RPS6KC1: variants seen among roughly 807,000 people sequenced by gnomAD.
RPS6KC1 encodes inactive ribosomal protein S6 kinase delta-1.
In RPS6KC1, 54 loss-of-function variants were observed where a neutral mutation model predicts 103.8. The observed-to-expected ratio is 0.52, with a 90% CI of 0.42 to 0.65. The LOEUF (loss-of-function observed/expected upper bound fraction) is 0.65. Ranked by LOEUF, RPS6KC1 falls within the 30% of genes least tolerant of loss-of-function variation. The probability of loss-of-function intolerance (pLI) is 0.00; values close to 1 mark genes in which losing one functional copy is unlikely to be tolerated. For synonymous variants in RPS6KC1, 439 were observed against 438.7 expected (o/e 1.00, Z -0.01); for missense variants, 1,151 against 1,253.8 (o/e 0.92, Z 1.24).
chr1:213,481,032 C>T, the RPS6KC1 span, among the ~76,000 whole-genome samples: 2 of 152,102 alleles, frequency 1.3e-5, no homozygotes, highest in Non-Finnish European at 2.9e-5. Context: ...CTGAATTTTA[C>T]GTTTGTTTTC....
the RPS6KC1 span, among the ~76,000 whole-genome samples, chr1:213,641,560 G>A: frequency 3.9e-5 from 6 of 152,104 alleles, no homozygotes; most frequent in African/African-American, 1.4e-4. Context: ...TGGGACCTGG[G>A]TAAAGGTCTA....
At chr1:213,580,478 T>A in the RPS6KC1 span, among the ~76,000 whole-genome samples, 1 of 152,126 alleles carries the variant, frequency 6.6e-6, no homozygotes, top group African/African-American at 2.4e-5. Context: ...TAAACTTACA[T>A]GATAAAGCAG....
intron 6 of RPS6KC1, among the ~76,000 whole-genome samples, chr1:213,135,971 C>T (rs1188063874): frequency 1.3e-5 from 2 of 152,140 alleles, no homozygotes; most frequent in African/African-American, 2.4e-5. Context: ...GTAGCAAAAT[C>T]GTAACCAACT....
Position 213,154,868 on chromosome 1 carries a change from C to G in RPS6KC1, c.836-12990C>G, listed in dbSNP as rs12086986. 7.0e-3 allele frequency among the ~76,000 whole-genome samples: 1,061 copies of G among 151,464 alleles called. 13 individuals carry two copies. The highest frequency in any genetic ancestry group is 0.024 in the African/African-American group (1,005 of 41,504). On this transcript the variant is annotated intron_variant, in intron 6 of 14. Transcript: ENST00000366960. ...ACAATTGGTAATGTGCTGAGTCTCA[C>G]TTAAAGTCTGCAAGTCTCACAGGCT...
the RPS6KC1 span, among the ~76,000 whole-genome samples, chr1:213,547,528 T>C: frequency 6.6e-6 from 1 of 152,218 alleles, no homozygotes; most frequent in African/African-American, 2.4e-5. Flanking sequence ...ATGCACCTGA[T>C]GTAGTTTGGA....
chr1:213,057,836 T>C (rs946754665), intron 1 of RPS6KC1, among the ~76,000 whole-genome samples: 2 of 137,688 alleles, frequency 1.5e-5, no homozygotes, highest in African/African-American at 2.6e-5. Context: ...TGATCATGGC[T>C]CACTGTAGCC....
chr1:213,058,164 C>T (rs2077514049), intron 1 of RPS6KC1, among the ~76,000 whole-genome samples: 1 of 148,780 alleles, frequency 6.7e-6, no homozygotes, highest in Non-Finnish European at 1.5e-5. Context: ...GCTACAGCCT[C>T]GACCTCCTAG....
the RPS6KC1 span, among the ~76,000 whole-genome samples, chr1:213,595,741 A>C: frequency 6.6e-6 from 1 of 152,206 alleles, no homozygotes; most frequent in Admixed American, 6.5e-5. Context: ...TGTTCAACAG[A>C]GTGCTTATAA....
At chr1:213,459,299 A>G in the RPS6KC1 span, among the ~76,000 whole-genome samples, 92 of 152,192 alleles carry the variant, frequency 6.0e-4, no homozygotes, top group Non-Finnish European at 2.4e-4. Context: ...TTATTGGTCT[A>G]TTCAGGGATT....
chr1:213,061,189 CATGAAATTCAAT>C (rs1164162374), intron 1 of RPS6KC1, among the ~76,000 whole-genome samples: 1 of 152,184 alleles, frequency 6.6e-6, no homozygotes, highest in African/African-American at 2.4e-5. Flanking sequence ...AGAGTTTCAA[CATGAAATTCAAT>C]ATGAATTTTA....
At chr1:213,722,195 A>G in the RPS6KC1 span, among the ~76,000 whole-genome samples, 1 of 151,770 alleles carries the variant, frequency 6.6e-6, no homozygotes, top group Middle Eastern at 3.2e-3. Context: ...AAAGACCAGA[A>G]CCCAGATCTC....
chr1:213,368,037 CTG>C, the RPS6KC1 span, among the ~76,000 whole-genome samples: 951 of 152,286 alleles, frequency 6.2e-3, 11 homozygotes, highest in African/African-American at 0.021. Flanking sequence ...ACAAATTTAA[CTG>C]AGATATAGCC....
At chr1:213,125,204 T>C (rs2084834200) in intron 5 of RPS6KC1, among the ~76,000 whole-genome samples, 1 of 152,154 alleles carries the variant, frequency 6.6e-6, no homozygotes. Context: ...TAATAGTGTA[T>C]GTTTCTAGCC....
chr1:213,272,607 T>A lies in RPS6KC1; in HGVS notation c.3174T>A (p.Pro1058=). ...TCAAATCTCATCCATTTTTTACCCC[T>A]GTGGATTGGGCAGAACTGATGAGAT... ...EDIKSHPFFT[P]VDWAELMR Residue 1058 remains proline (P), a synonymous_variant, in exon 15 of 15, where the codon CCT becomes CCA. Coordinates refer to ENST00000366960, the MANE Select transcript of RPS6KC1 (RefSeq NM_012424.6). 6.2e-7 allele frequency: 1 copy of A among 1,613,580 alleles called. No individual in the cohort carries two copies. The highest frequency in any genetic ancestry group is 1.1e-5 in the South Asian group (1 of 91,074).
the RPS6KC1 span, among the ~76,000 whole-genome samples, chr1:213,767,662 C>G: frequency 6.6e-6 from 1 of 152,162 alleles, no homozygotes; most frequent in Non-Finnish European, 1.5e-5. Context: ...AGAGAGAAGA[C>G]ATATAATAAC....
chr1:213,277,383 T>G (rs1178814147), downstream of RPS6KC1, among the ~76,000 whole-genome samples: 3 of 152,188 alleles, frequency 2.0e-5, no homozygotes, highest in Non-Finnish European at 4.4e-5. Context: ...TCTAGCTGTC[T>G]CATCTCAGGG....
intron 3 of RPS6KC1, among the ~76,000 whole-genome samples, chr1:213,086,841 G>A (rs1008104198): frequency 9.9e-5 from 15 of 151,908 alleles, no homozygotes; most frequent in Non-Finnish European, 1.5e-4. Flanking sequence ...ATATGTGCAC[G>A]TGTATTATAT....
chr1:213,374,888 A>T, the RPS6KC1 span, among the ~76,000 whole-genome samples: 1 of 152,206 alleles, frequency 6.6e-6, no homozygotes, highest in Non-Finnish European at 1.5e-5. Context: ...AACGTGTGTG[A>T]TGGGGAGGGA....
the RPS6KC1 span, among the ~76,000 whole-genome samples, chr1:213,755,166 G>T: frequency 2.0e-5 from 3 of 152,266 alleles, no homozygotes; most frequent in African/African-American, 7.2e-5. Flanking sequence ...GCTTGAATGT[G>T]GGGCATGACC....
Sources: gnomAD v4.1 joint callset for allele counts (sites outside exome capture counted in the v4.1 genomes callset) on GRCh38, gnomAD v4.1.1 for gene constraint, MANE v1.5 for transcripts, NCBI Gene and HGNC (gene_info 2026-07-23, HGNC 2026-07-21) for gene names.